Variants in UVRAG observed in about 807,000 individuals in gnomAD.
The protein encoded by UVRAG is UV radiation resistance associated, also known as UV radiation resistance-associated gene protein.
UVRAG carries 19 observed loss-of-function variants against 78.0 expected under a neutral mutation model. The observed-to-expected ratio is 0.24, with a 90% CI of 0.17 to 0.36. The LOEUF is 0.36. UVRAG is among the 10% of genes least tolerant of loss of function. UVRAG has a pLI of 1.00. For synonymous variants in UVRAG, 323 were observed against 324.6 expected, an observed-to-expected ratio of 1.00 and a Z score of 0.05; for missense variants, 740 against 853.8, an observed-to-expected ratio of 0.87 and a Z score of 1.66.
chr11:75,975,717 G>T (rs971509141), intron 7 of UVRAG, among the ~76,000 whole-genome samples: 1 of 152,202 alleles, frequency 6.6e-6, no homozygotes, highest in African/African-American at 2.4e-5. Context: ...CATTGATTTT[G>T]TATCCTGAGA....
chr11:75,959,641 G>A (rs957284375), intron 6 of UVRAG, among the ~76,000 whole-genome samples: 2 of 152,164 alleles, frequency 1.3e-5, no homozygotes, highest in Non-Finnish European at 2.9e-5. Flanking sequence ...CTTATCATTC[G>A]TGTGTTCACT....
At chr11:75,872,558 T>C (rs1946677909) in intron 3 of UVRAG, among the ~76,000 whole-genome samples, 1 of 151,988 alleles carries the variant, frequency 6.6e-6, no homozygotes, top group South Asian at 2.1e-4. Context: ...CGGCTAATTT[T>C]TGTATTTTTT....
intron 14 of UVRAG, among the ~76,000 whole-genome samples, chr11:76,125,321 G>A (rs1377054585): frequency 1.3e-5 from 2 of 152,168 alleles, no homozygotes; most frequent in Non-Finnish European, 2.9e-5. Context: ...TTTTCTCTAA[G>A]ATAGCTGTTT....
At chr11:75,932,560 A>T (rs1281413821) in intron 6 of UVRAG, among the ~76,000 whole-genome samples, 1 of 152,172 alleles carries the variant, frequency 6.6e-6, no homozygotes, top group Non-Finnish European at 1.5e-5. Flanking sequence ...CTGGGATTAC[A>T]GGCGTGAACC....
At chr11:76,115,525 A>G (rs1042029466) in intron 13 of UVRAG, among the ~76,000 whole-genome samples, 1 of 152,238 alleles carries the variant, frequency 6.6e-6, no homozygotes, top group Non-Finnish European at 1.5e-5. Context: ...TCTAAAAAGA[A>G]ACACTGGTTT....
chr11:76,078,919 ACT>A (rs1190605125), intron 13 of UVRAG, among the ~76,000 whole-genome samples: 2 of 151,546 alleles, frequency 1.3e-5, no homozygotes, highest in Admixed American at 6.6e-5. Context: ...ACAGAGCAAG[ACT>A]CTGTCTCAGA....
intron 9 of UVRAG, among the ~76,000 whole-genome samples, chr11:76,005,573 A>G (rs1399157133): frequency 1.3e-5 from 2 of 152,202 alleles, no homozygotes; most frequent in Non-Finnish European, 2.9e-5. Context: ...TAGATTCTCC[A>G]GCAGACCCTC....
At chr11:76,070,418 G>T (rs1366851709) in intron 13 of UVRAG, among the ~76,000 whole-genome samples, 1 of 152,120 alleles carries the variant, frequency 6.6e-6, no homozygotes, top group Non-Finnish European at 1.5e-5. Context: ...ATTGTATTGT[G>T]TACTGAAAAT....
At chr11:76,061,973 C>G (rs554677893) in intron 12 of UVRAG, among the ~76,000 whole-genome samples, 173 of 152,310 alleles carry the variant, frequency 1.1e-3, no homozygotes, top group Admixed American at 1.5e-3. Context: ...TTACCAGAAA[C>G]TTGATGAGAT....
At chr11:76,042,948 C>T (rs939194323) in intron 12 of UVRAG, among the ~76,000 whole-genome samples, 1 of 152,116 alleles carries the variant, frequency 6.6e-6, no homozygotes, top group Non-Finnish European at 1.5e-5. Context: ...GATGGGAAGA[C>T]CTGGGTCCCA....
Position 76,140,745 on chromosome 11 carries a change from C to G in UVRAG, c.1432C>G (p.Pro478Ala). The part of the protein sequence containing the change: ...RHHTSSAIPV[P>A]KRQSSIFGGA... ...TCACACCTCCAGTGCAATCCCTGTTCCTAAGAGACAAAGCTCCATATTTGG... is the reference window on the plus strand; with the variant it reads ...TCACACCTCCAGTGCAATCCCTGTTGCTAAGAGACAAAGCTCCATATTTGG... Residue 478 changes from proline (P) to alanine (A), a missense_variant, in exon 15 of 15, where the codon CCT becomes GCT. Pro to Ala is a conservative substitution (Grantham distance 27). Coordinates refer to ENST00000356136, the MANE Select transcript of UVRAG (RefSeq NM_003369.4). 2 of 1,606,810 alleles carry G rather than the reference C, an allele frequency of 1.2e-6. No individual in the cohort carries two copies. The highest frequency in any genetic ancestry group is 2.2e-5 in the South Asian group (2 of 89,568).
intron 1 of UVRAG, among the ~76,000 whole-genome samples, chr11:75,840,515 A>G (rs1417339246): frequency 6.6e-6 from 1 of 152,206 alleles, no homozygotes; most frequent in Non-Finnish European, 1.5e-5. Flanking sequence ...TAGAAAGTTC[A>G]GAGTCGCAGT....
In UVRAG at chr11:76,101,733, A is replaced by G. The variant is rs559208505; in HGVS notation, c.1306-14191A>G. Among the ~76,000 whole-genome samples the G allele has an allele frequency of 5.2e-4, 79 of 152,210 alleles. 2 individuals carry two copies. The South Asian group carries it at 0.015, about 29-fold the overall frequency. ...TTTGGGTTGTACATGTAAGTCTTTA[A>G]TCCATCTTGAATTCATTTTTATGTA... is the stretch of plus-strand genomic sequence containing the variant. On this transcript the variant is annotated intron_variant, in intron 13 of 14. Coordinates refer to ENST00000356136, the MANE Select transcript of UVRAG (RefSeq NM_003369.4).
At chr11:75,863,034 A>C (rs1419928905) in intron 3 of UVRAG, among the ~76,000 whole-genome samples, 1 of 152,220 alleles carries the variant, frequency 6.6e-6, no homozygotes, top group Non-Finnish European at 1.5e-5. Flanking sequence ...AGTTCCAACA[A>C]CTTTTGCAGA....
intron 8 of UVRAG, among the ~76,000 whole-genome samples, chr11:75,995,320 G>A (rs768369130): frequency 2.0e-5 from 3 of 151,590 alleles, no homozygotes; most frequent in Non-Finnish European, 4.4e-5. Context: ...GCAATTAAGA[G>A]CAAAAACAAA....
chr11:75,861,771 G>A lies in UVRAG; in HGVS notation c.261G>A (p.Lys87=). 1 of 1,606,722 alleles carries A rather than the reference G, an allele frequency of 6.2e-7. No homozygotes were observed. Residue 87 remains lysine (K), a synonymous_variant, in exon 3 of 15, where the codon AAG becomes AAA. Coordinates refer to ENST00000356136, the MANE Select transcript of UVRAG (RefSeq NM_003369.4). ...AATTTTATAGAAGTGAAGTGATTAA[G>A]AATTCCTTGGTAAGTTTGCTTTCTG... ...YKEFYRSEVI[K]NSLNPTWRSL... is the part of the protein sequence containing the mutation.
At chr11:76,040,329 C>T (rs1033735323) in intron 12 of UVRAG, among the ~76,000 whole-genome samples, 3 of 151,718 alleles carry the variant, frequency 2.0e-5, no homozygotes, top group East Asian at 3.9e-4. Flanking sequence ...AAAAATTAGC[C>T]GGGCATGGTG....
At chr11:75,965,135 A>G (rs1006805683) in intron 7 of UVRAG, among the ~76,000 whole-genome samples, 14 of 152,134 alleles carry the variant, frequency 9.2e-5, no homozygotes, top group Non-Finnish European at 1.6e-4. Flanking sequence ...CACAAAAAAA[A>G]GGTCTGATGG....
At chr11:76,127,391 C>T (rs1002455012) in intron 14 of UVRAG, among the ~76,000 whole-genome samples, 1 of 152,152 alleles carries the variant, frequency 6.6e-6, no homozygotes, top group Non-Finnish European at 1.5e-5. Flanking sequence ...CGGTGGCTCA[C>T]GCCTGTAATC....
Sources: gnomAD v4.1 joint callset for allele counts (sites outside exome capture counted in the v4.1 genomes callset) on GRCh38, gnomAD v4.1.1 for gene constraint, MANE v1.5 for transcripts, NCBI Gene and HGNC (gene_info 2026-07-23, HGNC 2026-07-21) for gene names.